The following CNBD1 variants were observed in gnomAD, a reference collection of about 807,000 sequenced individuals.
CNBD1 encodes the protein cyclic nucleotide-binding domain-containing protein 1.
In CNBD1, 71 loss-of-function variants were observed where a neutral mutation model predicts 54.4. The observed-to-expected ratio is 1.30, with a 90% CI of 1.08 to 1.59. The LOEUF (loss-of-function observed/expected upper bound fraction) is 1.59, where lower values mean the gene tolerates loss of function less well. Ranked by LOEUF, CNBD1 falls within the 40% of genes most tolerant of loss-of-function variation. The pLI, the probability that CNBD1 is intolerant of heterozygous loss-of-function variation, is 0.00. For synonymous variants in CNBD1, 182 were observed against 170.7 expected (o/e 1.07, Z -0.51); for missense variants, 659 against 518.0 (o/e 1.27, Z -2.64).
intron 5 of CNBD1, among the ~76,000 whole-genome samples, chr8:87,215,515 G>C (rs796902300): frequency 1.3e-5 from 2 of 151,584 alleles, no homozygotes; most frequent in African/African-American, 4.8e-5. Flanking sequence ...GTGAACCCGG[G>C]AGGCGGAGCT....
At chr8:87,369,649 G>A (rs1360278936) in intron 10 of CNBD1, among the ~76,000 whole-genome samples, 1 of 151,806 alleles carries the variant, frequency 6.6e-6, no homozygotes, top group Non-Finnish European at 1.5e-5. Context: ...GGCCTCTATA[G>A]TTTCCAATGA....
At chr8:86,993,734 G>T (rs1808807037) in intron 4 of CNBD1, among the ~76,000 whole-genome samples, 1 of 152,154 alleles carries the variant, frequency 6.6e-6, no homozygotes, top group Non-Finnish European at 1.5e-5. Context: ...AATATTTTTG[G>T]TGTTGCAGCT....
intron 10 of CNBD1, among the ~76,000 whole-genome samples, chr8:87,378,868 A>G (rs570519427): frequency 7.2e-4 from 107 of 149,528 alleles, no homozygotes; most frequent in Non-Finnish European, 1.3e-3. Context: ...AAGGTCCTTC[A>G]TATCCCTTGT....
At chr8:87,425,967 C>G (rs544367036) in intron 2 of CNBD1, among the ~76,000 whole-genome samples, 5 of 152,180 alleles carry the variant, frequency 3.3e-5, no homozygotes, top group African/African-American at 7.2e-5. Context: ...TAGCAATCAG[C>G]GAGACTCAGT....
At chr8:86,897,075 G>T (rs1257374504) in intron 2 of CNBD1, among the ~76,000 whole-genome samples, 1 of 152,204 alleles carries the variant, frequency 6.6e-6, no homozygotes, top group African/African-American at 2.4e-5. Flanking sequence ...AGTGGCAGAT[G>T]TATAGGGAGA....
At chr8:87,027,701 A>T (rs541999745) in intron 4 of CNBD1, among the ~76,000 whole-genome samples, 2 of 152,346 alleles carry the variant, frequency 1.3e-5, no homozygotes, top group South Asian at 4.1e-4. Flanking sequence ...AGCAACATAA[A>T]AGCCTAAATA....
intron 3 of CNBD1, among the ~76,000 whole-genome samples, chr8:86,912,637 A>C (rs1809117315): frequency 5.3e-5 from 8 of 152,222 alleles, no homozygotes; most frequent in Admixed American, 5.2e-4. Flanking sequence ...ATGATGACTA[A>C]AGACTATATT....
At chr8:86,983,043 G>A (rs750387667) in intron 4 of CNBD1, among the ~76,000 whole-genome samples, 36 of 152,088 alleles carry the variant, frequency 2.4e-4, no homozygotes, top group Non-Finnish European at 3.7e-4. Flanking sequence ...TGTTACATGG[G>A]CATATTGTAT....
intron 8 of CNBD1, among the ~76,000 whole-genome samples, chr8:87,317,425 C>A (rs897512153): frequency 6.6e-6 from 1 of 151,434 alleles, no homozygotes; most frequent in Middle Eastern, 3.2e-3. Context: ...CTGTAGATTT[C>A]TCCTTGGCCC....
chr8:87,384,840 C>T (rs1474760912), downstream of CNBD1, among the ~76,000 whole-genome samples: 1 of 151,968 alleles, frequency 6.6e-6, no homozygotes, highest in Non-Finnish European at 1.5e-5. Flanking sequence ...GTGGATCATG[C>T]ATGGGATGAC....
At chr8:87,297,396 C>A (rs1485865221) in intron 8 of CNBD1, among the ~76,000 whole-genome samples, 1 of 151,978 alleles carries the variant, frequency 6.6e-6, no homozygotes, top group Admixed American at 6.6e-5. Flanking sequence ...ATGTGGCTAG[C>A]GGCTACCCTA....
chr8:87,316,931 TAAG>T (rs1809398005), intron 8 of CNBD1, among the ~76,000 whole-genome samples: 1 of 151,904 alleles, frequency 6.6e-6, no homozygotes, highest in Non-Finnish European at 1.5e-5. Context: ...GAATGTGACT[TAAG>T]AAGTCACAAG....
intron 3 of CNBD1, among the ~76,000 whole-genome samples, chr8:86,928,360 G>A (rs997389992): frequency 1.3e-5 from 2 of 152,176 alleles, no homozygotes; most frequent in Non-Finnish European, 2.9e-5. Context: ...AGTTTCTTGT[G>A]TTAGTTTCCT....
intron 3 of CNBD1, among the ~76,000 whole-genome samples, chr8:86,907,340 G>A (rs1459101218): frequency 6.6e-6 from 1 of 152,108 alleles, no homozygotes. Context: ...GAAGCACATG[G>A]GATAAGATTA....
At chr8:87,210,159 A>G (rs1194782712) in intron 5 of CNBD1, among the ~76,000 whole-genome samples, 1 of 152,226 alleles carries the variant, frequency 6.6e-6, no homozygotes, top group African/African-American at 2.4e-5. Flanking sequence ...AGAAATTTCT[A>G]AGCAACAAAG....
intron 8 of CNBD1, among the ~76,000 whole-genome samples, chr8:87,314,187 A>T (rs1809333336): frequency 6.6e-6 from 1 of 152,002 alleles, no homozygotes; most frequent in South Asian, 2.1e-4. Flanking sequence ...TGGATCTAAA[A>T]TGTGAATATC....
chr8:86,912,156 G>T (rs1161082504), intron 3 of CNBD1, among the ~76,000 whole-genome samples: 1 of 152,066 alleles, frequency 6.6e-6, no homozygotes, highest in African/African-American at 2.4e-5. Context: ...GACCATTTTA[G>T]TTCCAGAAGG....
chr8:87,222,287 T>G (rs982127635), intron 5 of CNBD1, among the ~76,000 whole-genome samples: 3 of 151,828 alleles, frequency 2.0e-5, no homozygotes, highest in Non-Finnish European at 1.5e-5. Flanking sequence ...GGATCATTAA[T>G]TAAGCTTTCA....
rs1318959772 is a variant in CNBD1 at position 87,255,922 on chromosome 8, T to C, written c.771+18810T>C. The stretch of plus-strand genomic sequence containing the variant: ...TAAAATAAGACAAAAAAGACTGATG[T>C]TGCAAGATTCATATATATATATAAA... On this transcript the variant is annotated intron_variant, in intron 6 of 10. Coordinates refer to ENST00000518476, the MANE Select transcript of CNBD1 (RefSeq NM_173538.3). Among the ~76,000 whole-genome samples, 5 of 137,564 alleles carry C rather than the reference T, an allele frequency of 3.6e-5. No homozygotes were observed. The East Asian group carries it at 8.7e-4, about 24-fold the overall frequency. The allele number at this position is 137,564 out of a possible 152,430, so 90.2% of individuals were successfully genotyped here. A position where few individuals can be genotyped will look rare whatever the true frequency, so the allele number is the denominator to read the frequency against.
Sources: gnomAD v4.1 joint callset for allele counts (sites outside exome capture counted in the v4.1 genomes callset) on GRCh38, gnomAD v4.1.1 for gene constraint, MANE v1.5 for transcripts, NCBI Gene and HGNC (gene_info 2026-07-23, HGNC 2026-07-21) for gene names.